PPM1E: variants seen among roughly 807,000 people sequenced by gnomAD.
PPM1E encodes protein phosphatase 1E.
PPM1E carries 20 observed loss-of-function variants against 65.9 expected under a neutral mutation model. That is an observed-to-expected ratio of 0.30 (90% CI 0.21 to 0.44). The LOEUF is 0.44. PPM1E is among the 20% of genes least tolerant of loss of function. The pLI is 1.00. For synonymous variants in PPM1E, 352 were observed against 374.9 expected (o/e 0.94, Z 0.70); for missense variants, 713 against 953.1 (o/e 0.75, Z 3.32).
chr17:58,768,270 G>A (rs558106579), intron 1 of PPM1E, among the ~76,000 whole-genome samples: 4 of 151,932 alleles, frequency 2.6e-5, no homozygotes, highest in African/African-American at 7.2e-5. Flanking sequence ...AAATAGAGAT[G>A]GCGGTCTCTA....
chr17:58,863,486 G>A (rs368715133), intron 1 of PPM1E, among the ~76,000 whole-genome samples: 14 of 152,322 alleles, frequency 9.2e-5, no homozygotes, highest in Middle Eastern at 3.4e-3. Context: ...AGGGAGTGCC[G>A]GCTACCCCTA....
At chr17:58,887,721 G>T (rs1598630611) in intron 1 of PPM1E, among the ~76,000 whole-genome samples, 1 of 152,216 alleles carries the variant, frequency 6.6e-6, no homozygotes, top group East Asian at 1.9e-4. Flanking sequence ...CCATGGTCAG[G>T]ATTTTGAATT....
At chr17:58,797,737 A>C (rs940958667) in intron 1 of PPM1E, among the ~76,000 whole-genome samples, 3 of 152,194 alleles carry the variant, frequency 2.0e-5, no homozygotes, top group Non-Finnish European at 4.4e-5. Flanking sequence ...TAGGAATAGA[A>C]ATGCTGGATC....
At chr17:58,880,577 A>G (rs557697177) in intron 1 of PPM1E, among the ~76,000 whole-genome samples, 1 of 152,196 alleles carries the variant, frequency 6.6e-6, no homozygotes, top group African/African-American at 2.4e-5. Context: ...GGTAAGGAGA[A>G]AAATTTTTCT....
At chr17:58,868,568 CTT>C (rs533820677) in intron 1 of PPM1E, among the ~76,000 whole-genome samples, 46 of 128,276 alleles carry the variant, frequency 3.6e-4, no homozygotes, top group Non-Finnish European at 5.7e-4. Context: ...AATGTCCAGG[CTT>C]TTTTTTTTTT....
At chr17:58,924,143 C>T (rs1209563791) in intron 1 of PPM1E, among the ~76,000 whole-genome samples, 1 of 151,530 alleles carries the variant, frequency 6.6e-6, no homozygotes, top group African/African-American at 2.4e-5. Context: ...TGATCTCGAA[C>T]TCCTGACCTC....
intron 1 of PPM1E, among the ~76,000 whole-genome samples, chr17:58,917,348 T>C (rs1334776307): frequency 6.6e-6 from 1 of 152,244 alleles, no homozygotes; most frequent in Non-Finnish European, 1.5e-5. Context: ...TTGTTTGTTA[T>C]CTATTTATGT....
At chr17:58,958,058 A>G (rs911432353) in intron 2 of PPM1E, among the ~76,000 whole-genome samples, 2 of 152,088 alleles carry the variant, frequency 1.3e-5, no homozygotes, top group African/African-American at 4.8e-5. Context: ...TAGGAGAATC[A>G]CTTGAGCCCA....
At chr17:58,864,971 C>G (rs145073099) in intron 1 of PPM1E, among the ~76,000 whole-genome samples, 13 of 152,216 alleles carry the variant, frequency 8.5e-5, no homozygotes, top group African/African-American at 2.9e-4. Context: ...CTAGCATGAT[C>G]TGCAAAATAA....
At chr17:58,966,195 C>A in intron 3 of PPM1E, 1 of 423,112 alleles carries the variant, frequency 2.4e-6, no homozygotes, top group South Asian at 2.1e-5. Context: ...CCTTCCAGAG[C>A]TATTCTATAA....
intron 1 of PPM1E, among the ~76,000 whole-genome samples, chr17:58,887,162 C>CTTTTTT (rs71143300): frequency 2.0e-4 from 22 of 111,700 alleles, no homozygotes; most frequent in East Asian, 4.9e-4. Context: ...AGGCCTTCTT[C>CTTTTTT]TTTTTTTTTT....
Position 58,982,679 on chromosome 17 carries a change from TAAA to T in PPM1E, c.*1650_*1652del, listed in dbSNP as rs911854406. 6.3e-6 allele frequency: 3 copies of T among 476,404 alleles called. No individual in the cohort carries two copies. 29.5% of individuals were successfully genotyped at this position (476,404 alleles called of 1,614,324 possible). On this transcript the variant is annotated 3_prime_UTR_variant, in exon 7 of 7. Transcript: ENST00000308249. ...TTGTTAATCTACAGATTTTATTTTT[TAAA>T]ATTTGGATGTAAGTAGAGACTTTCA...
chr17:58,782,798 A>C (rs2050063404), intron 1 of PPM1E, among the ~76,000 whole-genome samples: 1 of 152,130 alleles, frequency 6.6e-6, no homozygotes, highest in African/African-American at 2.4e-5. Flanking sequence ...TAAAATTAAG[A>C]ATTAACAGAT....
intron 1 of PPM1E, among the ~76,000 whole-genome samples, chr17:58,815,432 A>G (rs2050405775): frequency 1.3e-5 from 2 of 152,188 alleles, no homozygotes; most frequent in South Asian, 2.1e-4. Flanking sequence ...CCCACGACAT[A>G]GTTTTTGTCA....
At chr17:58,907,202 C>T (rs1022865088) in intron 1 of PPM1E, among the ~76,000 whole-genome samples, 5 of 151,554 alleles carry the variant, frequency 3.3e-5, no homozygotes, top group South Asian at 4.2e-4. Context: ...GCCAGGATCG[C>T]GCCACCGTAC....
intron 1 of PPM1E, among the ~76,000 whole-genome samples, chr17:58,916,672 G>T (rs1412852393): frequency 1.3e-5 from 2 of 152,046 alleles, no homozygotes. Flanking sequence ...AGATGTTAGG[G>T]ATATTATAGA....
intron 1 of PPM1E, among the ~76,000 whole-genome samples, chr17:58,766,667 G>T (rs562236879): frequency 1.3e-4 from 20 of 151,816 alleles, no homozygotes; most frequent in Non-Finnish European, 2.4e-4. Context: ...ATGCTAAAGG[G>T]CAAGAATTAG....
intron 1 of PPM1E, among the ~76,000 whole-genome samples, chr17:58,920,110 G>A (rs1382775437): frequency 6.6e-6 from 1 of 152,194 alleles, no homozygotes; most frequent in African/African-American, 2.4e-5. Flanking sequence ...TTGGATTTGG[G>A]ATGTGAGATA....
intron 1 of PPM1E, among the ~76,000 whole-genome samples, chr17:58,837,320 A>ACACACATACAC (rs1567849044): frequency 2.0e-4 from 24 of 120,286 alleles, no homozygotes; most frequent in African/African-American, 7.2e-4. Flanking sequence ...GAATGAGAAT[A>ACACACATACAC]ACACACACAC....
Sources: gnomAD v4.1 joint callset for allele counts (sites outside exome capture counted in the v4.1 genomes callset) on GRCh38, gnomAD v4.1.1 for gene constraint, MANE v1.5 for transcripts, NCBI Gene and HGNC (gene_info 2026-07-23, HGNC 2026-07-21) for gene names.